CCDC180: variants seen among roughly 807,000 people sequenced by gnomAD.
CCDC180 encodes coiled-coil domain-containing protein 180.
In CCDC180, 154 loss-of-function variants were observed where a neutral mutation model predicts 209.2. The observed-to-expected ratio is 0.74, with a 90% confidence interval of 0.65 to 0.84. The LOEUF (loss-of-function observed/expected upper bound fraction) is 0.84. Ranked by LOEUF, CCDC180 falls within the 40% of genes least tolerant of loss-of-function variation. The probability of loss-of-function intolerance (pLI) is 0.00; values close to 1 mark genes in which losing one functional copy is unlikely to be tolerated. For missense variants in CCDC180, 1,874 were observed against 1,997.3 expected (o/e 0.94, Z 1.18); for synonymous variants, 778 against 749.1 (o/e 1.04, Z -0.63).
At chr9:97,363,747 G>C in intron 28 of CCDC180, 1 of 528,568 alleles carries the variant, frequency 1.9e-6, no homozygotes. Flanking sequence ...TTTTCTTTGG[G>C]TCCTCATCAC....
In CCDC180 at chr9:97,369,913, T is replaced by G; in HGVS notation, c.4190-9T>G. 2 of 1,614,092 alleles carry G rather than the reference T, an allele frequency of 1.2e-6. No individual in the cohort carries two copies. The highest frequency in any genetic ancestry group is 4.5e-5 in the East Asian group (2 of 44,894). ...CCCTCCCTTGGCCTCTTACCCGCAC[T>G]TCTGGCAGAATTACGGATCCAGATC... On this transcript the variant is annotated splice_polypyrimidine_tract_variant and intron_variant, in intron 31 of 36. Transcript: ENST00000529487.
At chr9:97,375,807 T>A (rs1827241743) in intron 36 of CCDC180, 1 of 585,792 alleles carries the variant, frequency 1.7e-6, no homozygotes, top group Admixed American at 3.1e-5. Flanking sequence ...CCCAATGCTG[T>A]GGGAGCCCAG....
Position 97,377,508 on chromosome 9 carries a change from A to G in CCDC180, c.*614A>G, listed in dbSNP as rs1015706724. On this transcript the variant is annotated 3_prime_UTR_variant, in exon 37 of 37. Transcript: ENST00000529487. The stretch of plus-strand genomic sequence containing the variant: ...TTCTTCAATTACATGGCGTGAGCGT[A>G]CAGCCTTCATTTGTCGGTAGCTGTG... 1 of 152,278 alleles carries G rather than the reference A, an allele frequency of 6.6e-6. No homozygotes were observed. The highest frequency in any genetic ancestry group is 2.4e-5 in the African/African-American group (1 of 41,416). The allele number at this position is 152,278 out of a possible 1,614,324, so 9.4% of individuals were successfully genotyped here.
intron 16 of CCDC180, 47 bp from the exon 17 acceptor site, chr9:97,330,104 TGAA>T: frequency 7.4e-7 from 1 of 1,356,992 alleles, no homozygotes; most frequent in Non-Finnish European, 1.0e-6. Flanking sequence ...GGGGGCACTC[TGAA>T]GAAAGGCAGT....
Position 97,350,413 on chromosome 9 carries a change from G to T in CCDC180, c.2860G>T (p.Val954Phe), listed in dbSNP as rs1419512796. The T allele has an allele frequency of 3.3e-6, 5 of 1,535,252 alleles. No individual in the cohort carries two copies. In the South Asian group the frequency reaches 4.8e-5, roughly 15 times the overall value. ...TTCCTCCTCTGTCTCCCACAGGCTGGTCACTCTCAGCAACACACTGCACCA... is the reference window on the plus strand; with the variant it reads ...TTCCTCCTCTGTCTCCCACAGGCTGTTCACTCTCAGCAACACACTGCACCA... Reference protein sequence around the residue: ...FLNATRSQKLVTLSNTLHQEL... With the variant: ...FLNATRSQKLFTLSNTLHQEL... Residue 954 changes from valine (V) to phenylalanine (F), a missense_variant, in exon 22 of 37, where the codon GTC (valine) becomes TTC (phenylalanine). Val to Phe is a conservative substitution (Grantham distance 50, BLOSUM62 -1). Transcript: ENST00000529487.
intron 19 of CCDC180, among the ~76,000 whole-genome samples, chr9:97,345,182 A>C (rs1826213893): frequency 6.6e-6 from 1 of 152,224 alleles, no homozygotes; most frequent in South Asian, 2.1e-4. Context: ...CTTCTGGTGA[A>C]TATATGTATA....
At chr9:97,346,750 A>G (rs1361734491) in intron 19 of CCDC180, among the ~76,000 whole-genome samples, 1 of 152,176 alleles carries the variant, frequency 6.6e-6, no homozygotes, top group Non-Finnish European at 1.5e-5. Context: ...AATTTTTAAA[A>G]TATTTTATAG....
chr9:97,313,482 C>T, intron 5 of CCDC180, 137 bp downstream of exon 5: 1 of 577,688 alleles, frequency 1.7e-6, no homozygotes, highest in Admixed American at 2.8e-5. Flanking sequence ...ACATGGAACC[C>T]TCTCTGAGTG....
intron 16 of CCDC180, among the ~76,000 whole-genome samples, chr9:97,329,073 C>G (rs1265064232): frequency 6.6e-6 from 1 of 152,148 alleles, no homozygotes; most frequent in Non-Finnish European, 1.5e-5. Context: ...CAAAGGTTTC[C>G]CACATATACA....
chr9:97,358,766 G>C (rs1230118825), intron 25 of CCDC180, among the ~76,000 whole-genome samples: 1 of 152,124 alleles, frequency 6.6e-6, no homozygotes, highest in Non-Finnish European at 1.5e-5. Flanking sequence ...AGTCCAGCCA[G>C]GTGCTCCCAG....
rs944279483 is a variant in CCDC180 at position 97,349,310 on chromosome 9, C to T, written c.2855+19C>T. The T allele has an allele frequency of 6.5e-7, 1 of 1,530,174 alleles. No individual in the cohort carries two copies. Among genetic ancestry groups the T allele is most frequent in the Non-Finnish European group, 8.8e-7 (1 of 1,142,294 alleles). The allele number at this position is 1,530,174 out of a possible 1,614,324, so 94.8% of individuals were successfully genotyped here. A position where few individuals can be genotyped will look rare whatever the true frequency, so the allele number is the denominator to read the frequency against. ...GCCAAAAGTAAGGGGTCCTGGGAGT[C>T]TCCACCCCAGCCATGTGGCTCTGGA... On this transcript the variant is annotated intron_variant, in intron 21 of 36. Transcript: ENST00000529487.
Position 97,325,208 on chromosome 9 carries a change from G to A in CCDC180, c.1545+16G>A, listed in dbSNP as rs748484632. 47 of 1,571,504 alleles carry A rather than the reference G, an allele frequency of 3.0e-5. No homozygotes were observed. Among genetic ancestry groups the A allele is most frequent in the African/African-American group, 9.4e-5 (7 of 74,440 alleles). ...GGAGAGCCAGGTGAGACCCACACCC[G>A]GGGCTCCATGTTTCACACCACAAAC... On this transcript the variant is annotated intron_variant, in intron 14 of 36. Transcript: ENST00000529487.
At chr9:97,313,472 A>T in intron 5 of CCDC180, 127 bp downstream of exon 5, 1 of 605,770 alleles carries the variant, frequency 1.7e-6, no homozygotes. Flanking sequence ...GCCTTAGACG[A>T]CATGGAACCC....
chr9:97,325,741 C>T (rs1833509440), intron 14 of CCDC180, among the ~76,000 whole-genome samples: 1 of 152,184 alleles, frequency 6.6e-6, no homozygotes, highest in African/African-American at 2.4e-5. Flanking sequence ...TCCCTGGAAG[C>T]CAGAGGGTAG....
chr9:97,314,226 G>C (rs570212537), intron 5 of CCDC180, among the ~76,000 whole-genome samples, 167 bp from the exon 6 acceptor site: 2 of 152,380 alleles, frequency 1.3e-5, no homozygotes, highest in East Asian at 3.9e-4. Flanking sequence ...AGCGCAGAGC[G>C]TGTGGCGTGG....
intron 15 of CCDC180, among the ~76,000 whole-genome samples, chr9:97,327,650 G>C (rs775817886): frequency 2.0e-5 from 3 of 152,136 alleles, no homozygotes; most frequent in Non-Finnish European, 2.9e-5. Context: ...GTAACCCTAT[G>C]AGCCTTGGTC....
rs1367227748 is a variant in CCDC180 at position 97,377,222 on chromosome 9, A to G, written c.*328A>G. 5.2e-6 allele frequency: 1 copy of G among 191,070 alleles called. No individual in the cohort carries two copies. The highest frequency in any genetic ancestry group is 2.3e-5 in the African/African-American group (1 of 42,926). The allele number at this position is 191,070 out of a possible 1,614,324, so 11.8% of individuals were successfully genotyped here. ...ATGCTGGGCAGGGCACGTCATCTTG[A>G]AAAATGAAATAAAGGTCATGGGAAA... On this transcript the variant is annotated 3_prime_UTR_variant, in exon 37 of 37. Coordinates refer to ENST00000529487, the MANE Select transcript of CCDC180 (RefSeq NM_020893.6).
At chr9:97,307,628 G>A (rs1046803486), upstream of CCDC180, 5 of 1,033,520 alleles carry the variant, frequency 4.8e-6, no homozygotes, top group East Asian at 9.6e-5. Context: ...ATTCTGCGCC[G>A]CATTAGAGTT....
In CCDC180 at chr9:97,336,342, A is replaced by C. The variant is rs184564818; in HGVS notation, c.2274+5575A>C. ...TCCATCTTGAATTAATTTTTGTGTA[A>C]GGTGTAAGGAAGGGATCCAGTTTCA... On this transcript the variant is annotated intron_variant, in intron 18 of 36. Transcript: ENST00000529487. 8.4e-3 allele frequency among the ~76,000 whole-genome samples: 1,274 copies of C among 152,220 alleles called. 16 individuals are homozygous for C. The highest frequency in any genetic ancestry group is 0.029 in the African/African-American group (1,190 of 41,520).
Sources: allele counts gnomAD v4.1 joint callset (sites outside exome capture counted in the v4.1 genomes callset), GRCh38; gene constraint gnomAD v4.1.1; transcripts MANE v1.5; gene names NCBI Gene and HGNC (gene_info 2026-07-23, HGNC 2026-07-21).